The following SEPTIN7 variants were observed in gnomAD, a reference collection of about 807,000 sequenced individuals.
The protein encoded by SEPTIN7 is septin-7.
SEPTIN7 carries 10 observed loss-of-function variants against 63.3 expected under a neutral mutation model. The observed-to-expected ratio is 0.16, with a 90% CI of 0.10 to 0.27. The LOEUF is 0.27. SEPTIN7 is among the 10% of genes least tolerant of loss of function. SEPTIN7 has a pLI of 1.00. For synonymous variants in SEPTIN7, 131 were observed against 165.3 expected, an observed-to-expected ratio of 0.79 and a Z score of 1.59; for missense variants, 310 against 521.0, an observed-to-expected ratio of 0.59 and a Z score of 3.94.
At chr7:35,837,045 T>G (rs1223092023) in intron 3 of SEPTIN7, among the ~76,000 whole-genome samples, 1 of 152,162 alleles carries the variant, frequency 6.6e-6, no homozygotes, top group Non-Finnish European at 1.5e-5. Flanking sequence ...AAAGAAAGTT[T>G]AGAAGAAAAA....
chr7:35,867,448 C>G (rs117440895), intron 4 of SEPTIN7, among the ~76,000 whole-genome samples: 1,563 of 152,310 alleles, frequency 0.01, 33 homozygotes, highest in East Asian at 0.08. Context: ...CTCCAAAGTT[C>G]AAGTGTTTCT....
At chr7:35,896,698 A>C (rs1323787976) in intron 11 of SEPTIN7, among the ~76,000 whole-genome samples, 1 of 152,216 alleles carries the variant, frequency 6.6e-6, no homozygotes, top group East Asian at 1.9e-4. Context: ...TTCTTGTTCT[A>C]AGTTAATATG....
intron 3 of SEPTIN7, among the ~76,000 whole-genome samples, chr7:35,844,136 T>A (rs1226219944): frequency 6.6e-6 from 1 of 152,192 alleles, no homozygotes; most frequent in Non-Finnish European, 1.5e-5. Context: ...ATGAAGCGGA[T>A]GACATGAAAA....
chr7:35,806,138 T>C (rs1485226480), intron 1 of SEPTIN7, among the ~76,000 whole-genome samples: 1 of 152,202 alleles, frequency 6.6e-6, no homozygotes, highest in African/African-American at 2.4e-5. Flanking sequence ...TGAGAACCAC[T>C]GCACTAGGTG....
chr7:35,804,709 A>G (rs938301266), intron 1 of SEPTIN7, among the ~76,000 whole-genome samples: 1 of 152,182 alleles, frequency 6.6e-6, no homozygotes, highest in African/African-American at 2.4e-5. Flanking sequence ...ACACAAACCT[A>G]GATGGTAGAG....
chr7:35,885,886 GCAAGCA>G lies in SEPTIN7; in HGVS notation c.872+8_872+13del, dbSNP rs1386038126. ...TAAGAAATATGTTGATAAGGTAAGTGCAAGCAATGATGGAAATAGCATAAGATTTTC... is the reference window on the plus strand; with the variant it reads ...TAAGAAATATGTTGATAAGGTAAGTGATGATGGAAATAGCATAAGATTTTC... On this transcript the variant is annotated splice_region_variant and intron_variant, in intron 10 of 13. Transcript: ENST00000350320. 6.3e-7 allele frequency: 1 copy of G among 1,578,662 alleles called. No homozygotes were observed. The highest frequency in any genetic ancestry group is 1.7e-5 in the Admixed American group (1 of 59,282).
At chr7:35,855,118 G>C (rs1207288513) in intron 3 of SEPTIN7, among the ~76,000 whole-genome samples, 6 of 151,796 alleles carry the variant, frequency 4.0e-5, no homozygotes, top group Non-Finnish European at 8.8e-5. Context: ...TATACACCAG[G>C]CATTCCTACG....
intron 3 of SEPTIN7, among the ~76,000 whole-genome samples, chr7:35,854,978 T>A (rs891948392): frequency 2.0e-5 from 3 of 152,154 alleles, no homozygotes; most frequent in African/African-American, 7.2e-5. Context: ...TTTTATTTTT[T>A]AAAAACTAAA....
chr7:35,914,175 C>T, the SEPTIN7 span, among the ~76,000 whole-genome samples: 6 of 152,046 alleles, frequency 3.9e-5, no homozygotes, highest in Non-Finnish European at 7.4e-5. Flanking sequence ...GTGATAAAAG[C>T]AGGTCATATG....
chr7:35,876,429 T>C (rs1204693154), intron 6 of SEPTIN7, among the ~76,000 whole-genome samples: 1 of 152,234 alleles, frequency 6.6e-6, no homozygotes, highest in Admixed American at 6.5e-5. Flanking sequence ...TGAATATGAA[T>C]TGAAAAACCA....
chr7:35,818,358 T>G (rs896386564), intron 1 of SEPTIN7, among the ~76,000 whole-genome samples: 2 of 152,102 alleles, frequency 1.3e-5, no homozygotes, highest in Non-Finnish European at 2.9e-5. Flanking sequence ...TTTTTATTGC[T>G]GGATTTGGTT....
intron 11 of SEPTIN7, among the ~76,000 whole-genome samples, chr7:35,891,676 TTACTG>T (rs1159745625): frequency 1.4e-4 from 21 of 152,202 alleles, no homozygotes; most frequent in African/African-American, 4.6e-4. Context: ...ACCTAGGACA[TTACTG>T]TACACTACTG....
intron 9 of SEPTIN7, among the ~76,000 whole-genome samples, chr7:35,885,020 G>A (rs757590385): frequency 3.4e-5 from 5 of 145,332 alleles, no homozygotes; most frequent in Non-Finnish European, 6.1e-5. Flanking sequence ...TTTGAACTTC[G>A]TTTTTTTTTT....
At chr7:35,895,217 A>C (rs1223807841) in intron 11 of SEPTIN7, among the ~76,000 whole-genome samples, 2 of 152,140 alleles carry the variant, frequency 1.3e-5, no homozygotes, top group Non-Finnish European at 2.9e-5. Flanking sequence ...AAAATAGTAA[A>C]TGTGAAGATA....
chr7:35,903,770 T>C (rs1788462069), intron 13 of SEPTIN7, among the ~76,000 whole-genome samples: 1 of 152,220 alleles, frequency 6.6e-6, no homozygotes, highest in Non-Finnish European at 1.5e-5. Flanking sequence ...GTGGCATTCC[T>C]ATAAGGATTA....
chr7:35,877,161 C>T (rs911948945), intron 6 of SEPTIN7, among the ~76,000 whole-genome samples: 11 of 152,012 alleles, frequency 7.2e-5, no homozygotes, highest in Non-Finnish European at 1.5e-4. Flanking sequence ...ACTAGTGAGG[C>T]AAGAACACAG....
chr7:35,846,921 G>C (rs1784698348), intron 3 of SEPTIN7: 1 of 152,234 alleles, frequency 6.6e-6, no homozygotes, highest in Non-Finnish European at 1.5e-5. Context: ...GGTGAACACA[G>C]ATCTTTATTA....
chr7:35,857,366 A>G (rs1239650060), intron 3 of SEPTIN7, among the ~76,000 whole-genome samples: 2 of 152,190 alleles, frequency 1.3e-5, no homozygotes, highest in African/African-American at 2.4e-5. Context: ...TAGTGTAGCT[A>G]TGGTTCACAT....
At chr7:35,857,886 A>G (rs1785286444) in intron 3 of SEPTIN7, among the ~76,000 whole-genome samples, 1 of 152,054 alleles carries the variant, frequency 6.6e-6, no homozygotes, top group Non-Finnish European at 1.5e-5. Flanking sequence ...ACTCAAAAAA[A>G]GGGGGGTGGG....
Sources: allele counts gnomAD v4.1 joint callset (sites outside exome capture counted in the v4.1 genomes callset), GRCh38; gene constraint gnomAD v4.1.1; transcripts MANE v1.5; gene names NCBI Gene and HGNC (gene_info 2026-07-23, HGNC 2026-07-21).